The following CHD9 variants were observed in gnomAD, a reference collection of about 807,000 sequenced individuals.
CHD9 encodes the protein ATP-dependent chromatin remodeler CHD9.
A neutral mutation model predicts 316.1 loss-of-function variants in CHD9; 77 were observed. The observed-to-expected ratio is 0.24, with a 90% CI of 0.20 to 0.29. The LOEUF (loss-of-function observed/expected upper bound fraction) is 0.29. Among genes scored for constraint, CHD9 ranks in the 10% least tolerant of loss-of-function variants. The pLI, the probability that CHD9 is intolerant of heterozygous loss-of-function variation, is 1.00. For synonymous variants in CHD9, 1,129 were observed against 1,158.3 expected, an observed-to-expected ratio of 0.97 and a Z score of 0.51; for missense variants, 2,763 against 3,438.1, an observed-to-expected ratio of 0.80 and a Z score of 4.91.
Position 53,245,195 on chromosome 16 carries a change from T to TACAC in CHD9, c.3055-129_3055-126dup. The TACAC allele has an allele frequency of 2.0e-6, 1 of 498,580 alleles. No individual in the cohort carries two copies. The highest frequency in any genetic ancestry group is 6.1e-5 in the South Asian group (1 of 16,440). 30.9% of individuals were successfully genotyped at this position (498,580 alleles called of 1,614,324 possible). ...AAACAAACAAACAAATATATATATA[T>TACAC]ACACACACACACACATAACATATAT... is the stretch of plus-strand genomic sequence containing the variant. On this transcript the variant is annotated intron_variant, in intron 13 of 38. Coordinates refer to ENST00000447540, the MANE Select transcript of CHD9 (RefSeq NM_001308319.2). The surrounding 1 kb of genome is among the most constrained non-coding windows in gnomAD (Gnocchi z 4.1).
chr16:53,109,481 C>T (rs55929336), intron 1 of CHD9, among the ~76,000 whole-genome samples: 41,158 of 151,342 alleles, frequency 0.27, 6,997 homozygotes, highest in Non-Finnish European at 0.38. Flanking sequence ...TACAGGCGTG[C>T]GCCACCATGC....
intron 11 of CHD9, among the ~76,000 whole-genome samples, chr16:53,238,020 C>T (rs542167795): frequency 6.6e-6 from 1 of 152,242 alleles, no homozygotes; most frequent in African/African-American, 2.4e-5. Flanking sequence ...CCCATCTTCT[C>T]ATACTGTCCT....
At chr16:53,070,510 T>C (rs1168410464) in intron 1 of CHD9, among the ~76,000 whole-genome samples, 3 of 125,778 alleles carry the variant, frequency 2.4e-5, no homozygotes, top group Admixed American at 7.8e-5. Context: ...CCTTCCTTCC[T>C]TCCTTCCTTC....
chr16:53,204,839 A>ATGTT lies in CHD9; in HGVS notation c.1453-4633_1453-4630dup, dbSNP rs555101626. ...GCCTTTTATGTATTTTTTTGTTTAT[A>ATGTT]TGTTTGTTTGTTTATTTGTTTTGAG... is the stretch of plus-strand genomic sequence containing the variant. On this transcript the variant is annotated intron_variant, in intron 2 of 38. Transcript: ENST00000447540. Among the ~76,000 whole-genome samples the ATGTT allele has an allele frequency of 1.8e-4, 27 of 151,758 alleles. No homozygotes were observed. In the South Asian group the frequency reaches 3.7e-3, roughly 21 times the overall value.
Position 53,231,799 on chromosome 16 carries a change from TAGAC to T in CHD9, c.2511+18_2511+21del. The T allele has an allele frequency of 6.3e-7, 1 of 1,577,748 alleles. No individual in the cohort carries two copies. The highest frequency in any genetic ancestry group is 8.6e-7 in the Non-Finnish European group (1 of 1,168,626). On this transcript the variant is annotated intron_variant, in intron 10 of 38. Transcript: ENST00000447540. ...CAAGACGTTTGGTAAGAACCTGTTT[TAGAC>T]AGCTTTATAAAATCTTAGCACTTGT...
At chr16:53,092,820 C>A (rs979485747) in intron 1 of CHD9, among the ~76,000 whole-genome samples, 1 of 152,034 alleles carries the variant, frequency 6.6e-6, no homozygotes, top group Admixed American at 6.6e-5. Flanking sequence ...ACTTTGTCAT[C>A]CAGGCTGGAG....
At chr16:53,260,973 T>G (rs1056008471) in intron 19 of CHD9, among the ~76,000 whole-genome samples, 2 of 152,114 alleles carry the variant, frequency 1.3e-5, no homozygotes, top group African/African-American at 4.8e-5. Context: ...ACTCACAAGG[T>G]TCCAGGGATT....
chr16:53,229,095 G>A lies in CHD9; in HGVS notation c.2281G>A (p.Ala761Thr). Residue 761 changes from alanine to threonine, a missense_variant, in exon 8 of 39, where the codon GCA becomes ACA. Coordinates refer to ENST00000447540, the MANE Select transcript of CHD9 (RefSeq NM_001308319.2). ...ACAAGCACAAAGAGCACATTTTTTT[G>A]CAGACGTAAGAAAAAAATAAATAAG... ...LRQAQRAHFF[A>T]DMEEEPFNPD... 6.5e-7 allele frequency: 1 copy of A among 1,536,986 alleles called. No homozygotes were observed. The highest frequency in any genetic ancestry group is 1.2e-5 in the South Asian group (1 of 81,742).
chr16:53,184,342 T>C (rs2152812935), intron 2 of CHD9, among the ~76,000 whole-genome samples: 1 of 152,248 alleles, frequency 6.6e-6, no homozygotes, highest in Middle Eastern at 3.4e-3. Flanking sequence ...CTGTGTTTGT[T>C]GTTACGGTTT....
chr16:53,229,889 A>G (rs1776155907), intron 8 of CHD9, among the ~76,000 whole-genome samples: 1 of 152,160 alleles, frequency 6.6e-6, no homozygotes, highest in Admixed American at 6.5e-5. Context: ...CACAGACCTT[A>G]CACATATTTC....
chr16:53,283,068 C>T (rs1385302971), intron 24 of CHD9, among the ~76,000 whole-genome samples: 1 of 152,112 alleles, frequency 6.6e-6, no homozygotes, highest in Non-Finnish European at 1.5e-5. Flanking sequence ...CTCTTCTCTC[C>T]AGGCCTTTGC....
intron 8 of CHD9, among the ~76,000 whole-genome samples, chr16:53,230,222 C>A (rs1027599827): frequency 6.6e-6 from 1 of 152,144 alleles, no homozygotes; most frequent in Non-Finnish European, 1.5e-5. Context: ...TACATGATAC[C>A]TCTGTACCCC....
At chr16:53,291,435 C>T (rs1288647802) in intron 27 of CHD9, among the ~76,000 whole-genome samples, 1 of 152,042 alleles carries the variant, frequency 6.6e-6, no homozygotes, top group East Asian at 1.9e-4. Context: ...CTAGGGCATA[C>T]CCATAGTTAG....
At chr16:53,191,546 T>C (rs2044480242) in intron 2 of CHD9, among the ~76,000 whole-genome samples, 1 of 152,164 alleles carries the variant, frequency 6.6e-6, no homozygotes, top group African/African-American at 2.4e-5. Context: ...CTTTTGAGTC[T>C]GGTTTCTTTT....
intron 1 of CHD9, among the ~76,000 whole-genome samples, chr16:53,061,174 G>A (rs1416423647): frequency 6.6e-6 from 1 of 151,992 alleles, no homozygotes; most frequent in Non-Finnish European, 1.5e-5. Context: ...TGATTCACCC[G>A]CCTTGGCCTC....
At chr16:53,299,559 C>T (rs2055159331) in intron 30 of CHD9, 6 of 352,120 alleles carry the variant, frequency 1.7e-5, no homozygotes, top group Admixed American at 3.5e-5. Flanking sequence ...CATATACCCT[C>T]CTCAGCAGCT....
intron 2 of CHD9, among the ~76,000 whole-genome samples, chr16:53,206,766 T>C (rs1200994064): frequency 6.6e-6 from 1 of 152,218 alleles, no homozygotes; most frequent in Non-Finnish European, 1.5e-5. Flanking sequence ...CTCAGTTCCA[T>C]TCTGTCTCTT....
intron 18 of CHD9, among the ~76,000 whole-genome samples, chr16:53,255,012 A>G (rs2050463856): frequency 6.6e-6 from 1 of 152,030 alleles, no homozygotes; most frequent in Non-Finnish European, 1.5e-5. Flanking sequence ...ATCTATCGGT[A>G]ATAGGATCCT....
chr16:53,157,035 G>C lies in CHD9; in HGVS notation c.946G>C (p.Gly316Arg), dbSNP rs201124945. 2.9e-4 allele frequency: 467 copies of C among 1,612,920 alleles called. No homozygotes were observed. The highest frequency in any genetic ancestry group is 3.8e-4 in the Non-Finnish European group (451 of 1,179,738). The change falls in exon 2 of 39, where the codon GGA becomes CGA. Residue 316 changes from glycine (G) to arginine (R), a missense_variant. Transcript: ENST00000447540. ...TGSNSFSPHR[G>R]IKQESTQHIL... ...AAGTAATTCCTTTTCACCTCATAGA[G>C]GAATCAAGCAAGAATCTACTCAGCA...
Sources: gnomAD v4.1 joint callset for allele counts (sites outside exome capture counted in the v4.1 genomes callset) on GRCh38, gnomAD v4.1.1 for gene constraint, Gnocchi (gnomAD v3.1) non-coding constraint, MANE v1.5 for transcripts, NCBI Gene and HGNC (gene_info 2026-07-23, HGNC 2026-07-21) for gene names.